SPON1: variants seen among roughly 807,000 people sequenced by gnomAD.
The protein encoded by SPON1 is spondin 1, also known as spondin-1.
In SPON1, 52 loss-of-function variants were observed where a neutral mutation model predicts 111.7. That is an observed-to-expected ratio of 0.47 (90% CI 0.37 to 0.59). The LOEUF (loss-of-function observed/expected upper bound fraction) is 0.59, where lower values mean the gene tolerates loss of function less well. Among genes scored for constraint, SPON1 ranks in the 20% least tolerant of loss-of-function variants. The probability of loss-of-function intolerance (pLI) is 0.00; values close to 1 mark genes in which losing one functional copy is unlikely to be tolerated. For missense variants in SPON1, 957 were observed against 1,068.5 expected (o/e 0.90, Z 1.46); for synonymous variants, 410 against 395.8 (o/e 1.04, Z -0.43).
rs146344136 is a variant in SPON1, at chr11:14,081,207, A to G, written c.676+1186A>G. Among the ~76,000 whole-genome samples, 511 of 152,312 alleles carry G rather than the reference A, an allele frequency of 3.4e-3. 4 individuals are homozygous for G. The highest frequency in any genetic ancestry group is 0.012 in the African/African-American group (490 of 41,560). ...GATCCTACTAATTCCACTTTATCAT[A>G]TAATTGTCTCAACAAACGCCTAACA... On this transcript the variant is annotated intron_variant, in intron 5 of 15. Coordinates refer to ENST00000576479, the MANE Select transcript of SPON1 (RefSeq NM_006108.4).
intron 7 of SPON1, among the ~76,000 whole-genome samples, chr11:14,243,677 T>G (rs193156131): frequency 5.1e-4 from 78 of 152,316 alleles, no homozygotes; most frequent in African/African-American, 1.7e-3. Context: ...CTGTGTTCAC[T>G]CATGCTCTCA....
chr11:14,264,542 T>C (rs1027168359), intron 15 of SPON1, among the ~76,000 whole-genome samples: 5 of 152,224 alleles, frequency 3.3e-5, no homozygotes, highest in Non-Finnish European at 7.3e-5. Context: ...AGGATCTCCT[T>C]GATGGTTCAG....
At chr11:14,158,329 A>C (rs1414801102) in intron 6 of SPON1, among the ~76,000 whole-genome samples, 2 of 152,156 alleles carry the variant, frequency 1.3e-5, no homozygotes, top group Middle Eastern at 3.4e-3. Context: ...ATCTTCCCCA[A>C]ATCTGAGGCT....
At chr11:14,049,775 G>A (rs1848695062) in intron 3 of SPON1, among the ~76,000 whole-genome samples, 1 of 151,992 alleles carries the variant, frequency 6.6e-6, no homozygotes, top group Non-Finnish European at 1.5e-5. Context: ...ACTCATTTAG[G>A]GCCAAAACCT....
chr11:13,963,263 A>T, intron 1 of SPON1, 121 bp downstream of exon 1: 1 of 699,666 alleles, frequency 1.4e-6, no homozygotes, highest in Non-Finnish European at 2.3e-6. Context: ...CAGCCCGGCA[A>T]GGGCCCTTCT....
chr11:14,048,885 G>C (rs1488901968), intron 3 of SPON1, among the ~76,000 whole-genome samples: 2 of 152,144 alleles, frequency 1.3e-5, no homozygotes, highest in Non-Finnish European at 2.9e-5. Flanking sequence ...TCCTGGAAGG[G>C]TCTGAGATGT....
chr11:14,212,227 C>T (rs1848584389), intron 6 of SPON1, among the ~76,000 whole-genome samples: 1 of 151,838 alleles, frequency 6.6e-6, no homozygotes, highest in African/African-American at 2.4e-5. Context: ...GTCAGCATAG[C>T]TTGGGAATTA....
chr11:14,116,055 G>T (rs1849264595), intron 5 of SPON1, among the ~76,000 whole-genome samples: 1 of 152,124 alleles, frequency 6.6e-6, no homozygotes, highest in South Asian at 2.1e-4. Flanking sequence ...TATTTGTTCA[G>T]ATGTTTTGAT....
intron 4 of SPON1, among the ~76,000 whole-genome samples, chr11:14,076,524 T>C (rs1195650227): frequency 6.6e-5 from 10 of 152,258 alleles, no homozygotes; most frequent in African/African-American, 2.2e-4. Flanking sequence ...ATTATTATTA[T>C]ATTTTTATTT....
intron 2 of SPON1, among the ~76,000 whole-genome samples, chr11:14,002,830 T>G (rs1023118016): frequency 2.4e-4 from 37 of 152,118 alleles, no homozygotes; most frequent in African/African-American, 8.2e-4. Flanking sequence ...GGGGTTCAAG[T>G]TGGCCAGGAA....
chr11:14,160,762 T>TTATA (rs1158077913), intron 6 of SPON1, among the ~76,000 whole-genome samples: 2 of 43,692 alleles, frequency 4.6e-5, no homozygotes, highest in African/African-American at 1.9e-4. Flanking sequence ...TTATATATAT[T>TTATA]TATATATTTA....
In SPON1 at chr11:14,144,577, C is replaced by T. The variant is rs527706346; in HGVS notation, c.825+9009C>T. On this transcript the variant is annotated intron_variant, in intron 6 of 15. Coordinates refer to ENST00000576479, the MANE Select transcript of SPON1 (RefSeq NM_006108.4). ...CCTGGGAGGCAGAGGTTGCAGTGAG[C>T]TGAGATTGTGCCACTGCACTCTAGC... 7.9e-5 allele frequency among the ~76,000 whole-genome samples: 12 copies of T among 151,546 alleles called. No individual in the cohort carries two copies. In the South Asian group the frequency reaches 2.1e-3, roughly 26 times the overall value.
chr11:14,234,132 C>T (rs1414203228), intron 6 of SPON1, among the ~76,000 whole-genome samples: 3 of 152,142 alleles, frequency 2.0e-5, no homozygotes, highest in Non-Finnish European at 2.9e-5. Flanking sequence ...AGGGGCACTA[C>T]CCTTACAGGT....
intron 6 of SPON1, among the ~76,000 whole-genome samples, chr11:14,239,958 C>T (rs1473157648): frequency 6.6e-6 from 1 of 152,146 alleles, no homozygotes; most frequent in Non-Finnish European, 1.5e-5. Flanking sequence ...GTAGGGCAGA[C>T]CACAGTTTTA....
chr11:14,028,836 G>A (rs1453716457), intron 2 of SPON1, among the ~76,000 whole-genome samples: 1 of 152,126 alleles, frequency 6.6e-6, no homozygotes, highest in Non-Finnish European at 1.5e-5. Context: ...GCAGAAATCA[G>A]ACCTATGTCT....
intron 14 of SPON1, among the ~76,000 whole-genome samples, chr11:14,261,004 C>A (rs569034380): frequency 6.6e-6 from 1 of 152,110 alleles, no homozygotes; most frequent in South Asian, 2.1e-4. Context: ...CAGACACATA[C>A]GAAAAACAGC....
intron 2 of SPON1, among the ~76,000 whole-genome samples, chr11:13,984,640 T>C (rs1279666822): frequency 6.6e-6 from 1 of 152,210 alleles, no homozygotes; most frequent in Non-Finnish European, 1.5e-5. Flanking sequence ...TCAACACTGT[T>C]GCATTGGGGA....
chr11:14,102,804 T>G (rs558061494), intron 5 of SPON1, among the ~76,000 whole-genome samples: 34 of 152,238 alleles, frequency 2.2e-4, no homozygotes, highest in Admixed American at 4.6e-4. Context: ...ACCACAGCCA[T>G]TATGGATATT....
intron 6 of SPON1, among the ~76,000 whole-genome samples, chr11:14,138,771 A>G (rs1847620245): frequency 6.6e-6 from 1 of 152,176 alleles, no homozygotes; most frequent in Non-Finnish European, 1.5e-5. Flanking sequence ...ATGTTTACTA[A>G]GTGTCTGGTT....
Sources: allele counts gnomAD v4.1 joint callset (sites outside exome capture counted in the v4.1 genomes callset), GRCh38; gene constraint gnomAD v4.1.1; transcripts MANE v1.5; gene names NCBI Gene and HGNC (gene_info 2026-07-23, HGNC 2026-07-21).